Variants in CASD1 observed in about 807,000 individuals in gnomAD.
The protein encoded by CASD1 is N-acetylneuraminate (7)9-O-acetyltransferase.
Under a neutral mutation model 100.0 loss-of-function variants are expected in CASD1, and 41 were observed. The ratio of observed to expected loss-of-function variants is 0.41; its 90% CI spans 0.32 to 0.53. The LOEUF (loss-of-function observed/expected upper bound fraction) is 0.53. CASD1 is among the 20% of genes least tolerant of loss of function. The pLI, the probability that CASD1 is intolerant of heterozygous loss-of-function variation, is 0.25. For missense variants in CASD1, 774 were observed against 948.7 expected (o/e 0.82, Z 2.42); for synonymous variants, 321 against 315.6 (o/e 1.02, Z -0.18).
At chr7:94,552,257 TA>T (rs1795985919) in intron 15 of CASD1, 92 bp from the exon 16 acceptor site, 2 of 827,658 alleles carry the variant, frequency 2.4e-6, no homozygotes, top group Admixed American at 4.9e-5. Context: ...AGTATAATGT[TA>T]TAAATAAAGA....
At chr7:94,539,116 T>G (rs1371849731) in intron 10 of CASD1, 60 bp downstream of exon 10, 2 of 959,706 alleles carry the variant, frequency 2.1e-6, no homozygotes, top group Non-Finnish European at 3.2e-6. Flanking sequence ...TAATGTTTCT[T>G]TAAGGGCACC....
intron 11 of CASD1, among the ~76,000 whole-genome samples, chr7:94,545,149 T>G (rs1795613548): frequency 6.6e-6 from 1 of 152,152 alleles, no homozygotes; most frequent in Non-Finnish European, 1.5e-5. Context: ...TTGACAACTC[T>G]TAATTTAATC....
At chr7:94,633,041 G>A in the CASD1 span, among the ~76,000 whole-genome samples, 2 of 151,952 alleles carry the variant, frequency 1.3e-5, no homozygotes, top group Non-Finnish European at 2.9e-5. Flanking sequence ...ACAACACTAA[G>A]ATCTAATAAT....
chr7:94,620,121 T>G, the CASD1 span: 4 of 152,208 alleles, frequency 2.6e-5, no homozygotes, highest in African/African-American at 9.6e-5. Flanking sequence ...TGTAAGATAT[T>G]CCACTTTTAT....
chr7:94,524,615 C>T (rs955751247), intron 3 of CASD1, among the ~76,000 whole-genome samples: 1 of 152,036 alleles, frequency 6.6e-6, no homozygotes, highest in Non-Finnish European at 1.5e-5. Context: ...TTTGTATGGC[C>T]TATGGATCTA....
intron 9 of CASD1, 59 bp from the exon 10 acceptor site, chr7:94,538,908 T>A: frequency 1.2e-6 from 1 of 865,680 alleles, no homozygotes; most frequent in Non-Finnish European, 1.8e-6. Flanking sequence ...ACTTATTATA[T>A]GCCGTTAAAT....
chr7:94,528,670 T>A (rs956835486), intron 5 of CASD1, among the ~76,000 whole-genome samples: 2 of 152,148 alleles, frequency 1.3e-5, no homozygotes, highest in African/African-American at 4.8e-5. Flanking sequence ...CTTTTATTAT[T>A]ATATTTGTGA....
In CASD1 at chr7:94,538,948, T is replaced by A. The variant is rs775061567; in HGVS notation, c.1267-19T>A. 1 of 1,331,146 alleles carries A rather than the reference T, an allele frequency of 7.5e-7. No individual in the cohort carries two copies. The highest frequency in any genetic ancestry group is 1.1e-6 in the Non-Finnish European group (1 of 948,988). 82.5% of individuals were successfully genotyped at this position (1,331,146 alleles called of 1,614,324 possible). A position where few individuals can be genotyped will look rare whatever the true frequency, so the allele number is the denominator to read the frequency against. The stretch of plus-strand genomic sequence containing the variant: ...TCTTCATGATAAATTTTAAAACAGA[T>A]TTTGGTTCCTTTACACAGACTAAAG... On this transcript the variant is annotated intron_variant, in intron 9 of 17. Coordinates refer to ENST00000297273, the MANE Select transcript of CASD1 (RefSeq NM_022900.5).
chr7:94,522,016 G>A (rs1355591757), intron 3 of CASD1, among the ~76,000 whole-genome samples: 10 of 152,126 alleles, frequency 6.6e-5, no homozygotes, highest in African/African-American at 9.7e-5. Flanking sequence ...CACGGGAGGC[G>A]GAGCTTGCAG....
chr7:94,522,149 G>A (rs1303611341), intron 3 of CASD1, among the ~76,000 whole-genome samples: 1 of 152,150 alleles, frequency 6.6e-6, no homozygotes, highest in African/African-American at 2.4e-5. Flanking sequence ...GCCTAAACTT[G>A]TGAGCTAAAC....
chr7:94,554,720 C>T (rs114963308), intron 17 of CASD1, 145 bp downstream of exon 17: 9 of 520,624 alleles, frequency 1.7e-5, no homozygotes, highest in Admixed American at 3.4e-5. Context: ...TATGGAATTA[C>T]AGGGAAAAGA....
At chr7:94,568,903 G>A in the CASD1 span, among the ~76,000 whole-genome samples, 1 of 152,058 alleles carries the variant, frequency 6.6e-6, no homozygotes, top group South Asian at 2.1e-4. Context: ...GTACTTCCTA[G>A]CCTTCCATAC....
At chr7:94,561,111 G>T (rs913578377), downstream of CASD1, among the ~76,000 whole-genome samples, 2 of 152,092 alleles carry the variant, frequency 1.3e-5, no homozygotes, top group African/African-American at 4.8e-5. Flanking sequence ...GCCAGGTGTG[G>T]TGGTGGGGGC....
In CASD1 at chr7:94,552,428, G is replaced by C; in HGVS notation, c.2034+1G>C. On this transcript the variant is annotated splice_donor_variant, in intron 16 of 17. Transcript: ENST00000297273. LOFTEE classifies it high-confidence loss of function. ...CCATCCGTCTGTTTCTGTGGTACAG[G>C]TACTATCTTGATTTAGAGAAATTTC... 1 of 1,588,290 alleles carries C rather than the reference G, an allele frequency of 6.3e-7. No homozygotes were observed. Among genetic ancestry groups the C allele is most frequent in the Non-Finnish European group, 8.5e-7 (1 of 1,171,252 alleles).
the CASD1 span, chr7:94,603,411 C>G: frequency 1.9e-6 from 3 of 1,613,300 alleles, no homozygotes; most frequent in Non-Finnish European, 2.5e-6. Context: ...TTCTCGTAAA[C>G]AAGAAGAAAA....
the CASD1 span, among the ~76,000 whole-genome samples, chr7:94,562,359 A>G: frequency 1.3e-5 from 2 of 152,148 alleles, no homozygotes; most frequent in East Asian, 3.9e-4. Context: ...GCAGTCTGGT[A>G]GTCCTAAGTG....
chr7:94,562,514 C>T, the CASD1 span, among the ~76,000 whole-genome samples: 1 of 152,112 alleles, frequency 6.6e-6, no homozygotes, highest in African/African-American at 2.4e-5. Flanking sequence ...GAGTTGCTCA[C>T]GAAATGTCCC....
intron 3 of CASD1, 39 bp downstream of exon 3, chr7:94,518,362 A>C (rs1442761978): frequency 6.6e-7 from 1 of 1,512,522 alleles, no homozygotes; most frequent in African/African-American, 1.4e-5. Flanking sequence ...GTGTTTTAGA[A>C]GTTAACCAAC....
chr7:94,572,618 C>A, the CASD1 span, among the ~76,000 whole-genome samples: 1 of 152,092 alleles, frequency 6.6e-6, no homozygotes, highest in Non-Finnish European at 1.5e-5. Context: ...CTTATTGATG[C>A]TGGATATTAG....
Sources: allele counts gnomAD v4.1 joint callset (sites outside exome capture counted in the v4.1 genomes callset), GRCh38; gene constraint gnomAD v4.1.1; transcripts MANE v1.5; gene names NCBI Gene and HGNC (gene_info 2026-07-23, HGNC 2026-07-21).